PMFBP1: variants seen among roughly 807,000 people sequenced by gnomAD.
The protein encoded by PMFBP1 is polyamine modulated factor 1 binding protein 1.
Under a neutral mutation model 137.8 loss-of-function variants are expected in PMFBP1, and 131 were observed. The ratio of observed to expected loss-of-function variants is 0.95; its 90% CI spans 0.82 to 1.10. The LOEUF is 1.10. PMFBP1 is among the 50% of genes least tolerant of loss of function. The pLI is 0.00. For missense variants in PMFBP1, 1,199 were observed against 1,175.4 expected, an observed-to-expected ratio of 1.02 and a Z score of -0.29; for synonymous variants, 490 against 450.4, an observed-to-expected ratio of 1.09 and a Z score of -1.11.
the PMFBP1 span, among the ~76,000 whole-genome samples, chr16:72,243,189 C>T: frequency 6.6e-6 from 1 of 152,226 alleles, no homozygotes; most frequent in African/African-American, 2.4e-5. Context: ...CTGCCAAAGA[C>T]ATTAATGCGA....
chr16:72,131,879 T>A (rs983101914), intron 10 of PMFBP1, among the ~76,000 whole-genome samples: 2 of 152,166 alleles, frequency 1.3e-5, no homozygotes, highest in Non-Finnish European at 2.9e-5. Context: ...AGAGTCTCAC[T>A]CTATTGCCCA....
chr16:72,201,531 C>T, the PMFBP1 span, among the ~76,000 whole-genome samples: 3 of 152,166 alleles, frequency 2.0e-5, no homozygotes, highest in African/African-American at 7.2e-5. Context: ...CTCCAGAATA[C>T]GATGGGGAAC....
the PMFBP1 span, among the ~76,000 whole-genome samples, chr16:72,236,264 T>C: frequency 1.3e-5 from 2 of 152,148 alleles, no homozygotes; most frequent in African/African-American, 2.4e-5. Context: ...AAAAGTTGCA[T>C]TGTTTAAGTC....
intron 5 of PMFBP1, among the ~76,000 whole-genome samples, 190 bp downstream of exon 5, chr16:72,150,418 T>C (rs2042883788): frequency 6.6e-6 from 1 of 152,106 alleles, no homozygotes; most frequent in African/African-American, 2.4e-5. Context: ...AGCCTCAAAA[T>C]TGTGAAGAAG....
chr16:72,164,833 G>C lies in PMFBP1; in HGVS notation c.96C>G (p.Val32=), dbSNP rs112052805. The part of the protein sequence containing the change: ...LQLDIKNLHD[V]CKRQRKTLQD... ...GCAAGGTCTTCCTCTGTCTCTTGCA[G>C]ACATCGTGCAGATTCTTGATGTCAA... is the stretch of plus-strand genomic sequence containing the variant. The change falls in exon 3 of 21, where the codon GTC becomes GTG. Residue 32 remains valine (V), a synonymous_variant. Coordinates refer to ENST00000237353, the MANE Select transcript of PMFBP1 (RefSeq NM_031293.3). 1.2e-6 allele frequency: 2 copies of C among 1,610,296 alleles called. No homozygotes were observed. The highest frequency in any genetic ancestry group is 1.3e-5 in the African/African-American group (1 of 74,978).
chr16:72,157,199 A>C (rs1418083351), intron 3 of PMFBP1, among the ~76,000 whole-genome samples: 2 of 148,700 alleles, frequency 1.3e-5, no homozygotes, highest in Non-Finnish European at 3.0e-5. Context: ...AAAAAAAAAA[A>C]AAAAAAAAAA....
At chr16:72,211,621 C>T in the PMFBP1 span, among the ~76,000 whole-genome samples, 1 of 152,112 alleles carries the variant, frequency 6.6e-6, no homozygotes, top group South Asian at 2.1e-4. Flanking sequence ...CCTTCTAGTT[C>T]ATATCTTTAG....
intron 9 of PMFBP1, among the ~76,000 whole-genome samples, chr16:72,136,083 C>T (rs1426591818): frequency 6.6e-6 from 1 of 151,972 alleles, no homozygotes; most frequent in Non-Finnish European, 1.5e-5. Flanking sequence ...AAGTGAAATT[C>T]ACTTGAAATT....
chr16:72,229,741 A>G, the PMFBP1 span, among the ~76,000 whole-genome samples: 2 of 152,154 alleles, frequency 1.3e-5, no homozygotes, highest in Non-Finnish European at 2.9e-5. Flanking sequence ...TAAGACATTT[A>G]TTTGAAAGAC....
chr16:72,132,582 C>T (rs1049772370), intron 10 of PMFBP1, 166 bp downstream of exon 10: 16 of 1,067,904 alleles, frequency 1.5e-5, no homozygotes, highest in East Asian at 2.5e-5. Context: ...TTCAAGAGGG[C>T]GGTGGCCACT....
the PMFBP1 span, among the ~76,000 whole-genome samples, chr16:72,210,224 G>A: frequency 6.6e-6 from 1 of 152,164 alleles, no homozygotes; most frequent in African/African-American, 2.4e-5. Flanking sequence ...GTGTCAACCA[G>A]AACAAATACT....
chr16:72,175,683 A>G (rs113724728), upstream of PMFBP1, among the ~76,000 whole-genome samples: 136 of 152,342 alleles, frequency 8.9e-4, no homozygotes, highest in African/African-American at 3.2e-3. Context: ...GGGATAATAC[A>G]AACTAACTCA....
Position 72,159,658 on chromosome 16 carries a change from T to G in PMFBP1, c.165+5106A>C, listed in dbSNP as rs536747761. On this transcript the variant is annotated intron_variant, in intron 3 of 20. Transcript: ENST00000237353. The stretch of plus-strand genomic sequence containing the variant: ...ATGCCTAGACTTATTTGAGACCAGT[T>G]AAATTTCTACTTATTTATCCTTCTA... 2.6e-5 allele frequency among the ~76,000 whole-genome samples: 4 copies of G among 152,356 alleles called. No homozygotes were observed. The South Asian group carries it at 8.3e-4, about 32-fold the overall frequency.
the PMFBP1 span, among the ~76,000 whole-genome samples, chr16:72,232,774 G>A: frequency 4.6e-5 from 7 of 152,120 alleles, no homozygotes; most frequent in Non-Finnish European, 1.0e-4. Flanking sequence ...CAGCCTTTAA[G>A]CAGTGAAAAA....
the PMFBP1 span, among the ~76,000 whole-genome samples, chr16:72,213,592 A>T: frequency 3.3e-5 from 5 of 152,224 alleles, no homozygotes; most frequent in Non-Finnish European, 5.9e-5. Flanking sequence ...GTCCTAGCTG[A>T]CACCTTAATC....
At chr16:72,223,432 T>C in the PMFBP1 span, among the ~76,000 whole-genome samples, 1 of 152,240 alleles carries the variant, frequency 6.6e-6, no homozygotes, top group South Asian at 2.1e-4. Flanking sequence ...ACCCAGAAGA[T>C]GCCAATATCC....
intron 5 of PMFBP1, among the ~76,000 whole-genome samples, chr16:72,141,462 C>G (rs2144356184): frequency 1.3e-5 from 2 of 152,312 alleles, no homozygotes; most frequent in South Asian, 4.1e-4. Flanking sequence ...TATCTCTCTA[C>G]TTTCCAGAGA....
chr16:72,236,108 C>T, the PMFBP1 span, among the ~76,000 whole-genome samples: 3 of 152,132 alleles, frequency 2.0e-5, no homozygotes, highest in South Asian at 4.1e-4. Flanking sequence ...CCACTAAATA[C>T]GATATTAATT....
chr16:72,221,097 G>A, the PMFBP1 span, among the ~76,000 whole-genome samples: 1 of 152,096 alleles, frequency 6.6e-6, no homozygotes, highest in Non-Finnish European at 1.5e-5. Context: ...CATAAAGTCT[G>A]AAAGGTTAAG....
Sources: allele counts gnomAD v4.1 joint callset (sites outside exome capture counted in the v4.1 genomes callset), GRCh38; gene constraint gnomAD v4.1.1; transcripts MANE v1.5; gene names NCBI Gene and HGNC (gene_info 2026-07-23, HGNC 2026-07-21).